Variants in CDH1 observed in about 807,000 individuals in gnomAD.
The protein encoded by CDH1 is cadherin-1.
CDH1 carries 35 observed loss-of-function variants against 84.5 expected under a neutral mutation model. The observed-to-expected ratio is 0.41, with a 90% CI of 0.32 to 0.55. CDH1 has a LOEUF of 0.55. Ranked by LOEUF, CDH1 falls within the 20% of genes least tolerant of loss-of-function variation. The pLI, the probability that CDH1 is intolerant of heterozygous loss-of-function variation, is 0.19. For synonymous variants in CDH1, 417 were observed against 439.0 expected (o/e 0.95, Z 0.63); for missense variants, 994 against 1,126.6 (o/e 0.88, Z 1.68).
At chr16:68,807,958 G>A (rs1213907144) in intron 3 of CDH1, among the ~76,000 whole-genome samples, 1 of 152,174 alleles carries the variant, frequency 6.6e-6, no homozygotes, top group African/African-American at 2.4e-5. Context: ...TGTAGTCCCA[G>A]CTACTCAGGA....
chr16:68,773,955 C>A (rs1959654435), intron 2 of CDH1, among the ~76,000 whole-genome samples: 1 of 152,228 alleles, frequency 6.6e-6, no homozygotes, highest in African/African-American at 2.4e-5. Flanking sequence ...CACGTTCTGT[C>A]ACCTAGGCTA....
chr16:68,810,229 T>C lies in CDH1; in HGVS notation c.720T>C (p.Asn240=), dbSNP rs2152131034. 6.2e-7 allele frequency: 1 copy of C among 1,614,154 alleles called. No homozygotes were observed. The highest frequency in any genetic ancestry group is 1.3e-5 in the African/African-American group (1 of 75,038). ...CTCACGCTGTGTCATCCAACGGGAA[T>C]GCAGTTGAGGATCCAATGGAGATTT... ...LFSHAVSSNG[N]AVEDPMEILI... Residue 240 remains asparagine (N), a synonymous_variant, in exon 6 of 16, where the codon AAT becomes AAC. Coordinates refer to ENST00000261769, the MANE Select transcript of CDH1 (RefSeq NM_004360.5).
chr16:68,818,048 G>A (rs1961026092), intron 10 of CDH1, among the ~76,000 whole-genome samples: 1 of 151,916 alleles, frequency 6.6e-6, no homozygotes, highest in Non-Finnish European at 1.5e-5. Flanking sequence ...AGACTATCCT[G>A]GCTAACATGG....
chr16:68,819,615 C>T (rs555917474), intron 11 of CDH1, among the ~76,000 whole-genome samples, 190 bp downstream of exon 11: 2 of 152,156 alleles, frequency 1.3e-5, no homozygotes, highest in Admixed American at 1.3e-4. Flanking sequence ...GTGGTAAAGT[C>T]AGGGCTTTTA....
intron 2 of CDH1, among the ~76,000 whole-genome samples, chr16:68,751,659 C>T (rs1000027342): frequency 3.3e-5 from 5 of 151,852 alleles, no homozygotes; most frequent in East Asian, 1.9e-4. Context: ...TGGGCCACCA[C>T]GCCTGGCTAA....
At chr16:68,816,485 C>A (rs1279648492) in intron 10 of CDH1, among the ~76,000 whole-genome samples, 2 of 152,186 alleles carry the variant, frequency 1.3e-5, no homozygotes, top group African/African-American at 4.8e-5. Context: ...GCAGCTCATG[C>A]CTGTAATCCC....
intron 8 of CDH1, 66 bp from the exon 9 acceptor site, chr16:68,813,247 C>T (rs183223462): frequency 3.4e-6 from 5 of 1,483,426 alleles, no homozygotes; most frequent in African/African-American, 2.8e-5. Flanking sequence ...ATCCTTTAGC[C>T]CCCTGAGACT....
rs1961562704 is a variant in CDH1, at chr16:68,833,796, C to T, written c.*297C>T. The T allele has an allele frequency of 2.2e-6, 1 of 455,946 alleles. No individual in the cohort carries two copies. The highest frequency in any genetic ancestry group is 2.3e-5 in the South Asian group (1 of 43,930). The allele number at this position is 455,946 out of a possible 1,614,324, so 28.2% of individuals were successfully genotyped here. ...TATTCCAGAAGAACAACTTTAGCAT[C>T]AGAAGGTTCACCCAGCACCTTGCAG... On this transcript the variant is annotated 3_prime_UTR_variant, in exon 16 of 16. Transcript: ENST00000261769.
At chr16:68,792,900 G>A (rs970374960) in intron 2 of CDH1, among the ~76,000 whole-genome samples, 25 of 152,198 alleles carry the variant, frequency 1.6e-4, no homozygotes, top group African/African-American at 6.0e-4. Context: ...TCCAGGCAGC[G>A]TTCGTTGTTG....
rs3833051 is a variant in CDH1 at position 68,737,526 on chromosome 16, T to C, written c.48+63T>C. On this transcript the variant is annotated intron_variant, in intron 1 of 15. Coordinates refer to ENST00000261769, the MANE Select transcript of CDH1 (RefSeq NM_004360.5). ...GGCCGCAAGCTCCGCGCCCCAGCCC[T>C]GCGCCCCTTCCTCTCCCGTCGTCAC... The C allele has an allele frequency of 1.4e-3, 306 of 215,312 alleles. No individual in the cohort carries two copies. The highest frequency in any genetic ancestry group is 1.9e-3 in the Non-Finnish European group (272 of 144,582). The allele number at this position is 215,312 out of a possible 1,614,324, so 13.3% of individuals were successfully genotyped here.
intron 2 of CDH1, among the ~76,000 whole-genome samples, chr16:68,738,957 TTTTTTTTA>T (rs1353815067): frequency 8.5e-5 from 9 of 105,750 alleles, no homozygotes; most frequent in Admixed American, 7.0e-4. Flanking sequence ...TTTTTTTTTT[TTTTTTTTA>T]AAGACAGGGT....
At chr16:68,818,620 G>T (rs1372773013) in intron 10 of CDH1, among the ~76,000 whole-genome samples, 5 of 149,752 alleles carry the variant, frequency 3.3e-5, no homozygotes, top group Admixed American at 6.7e-5. Flanking sequence ...AGGCCGAGAC[G>T]TGCGGATCAT....
chr16:68,801,123 A>AT (rs998573399), intron 2 of CDH1, among the ~76,000 whole-genome samples: 1 of 151,906 alleles, frequency 6.6e-6, no homozygotes, highest in African/African-American at 2.4e-5. Flanking sequence ...TTATTTATTT[A>AT]TTTTTTGAGA....
chr16:68,770,884 T>A (rs1375235751), intron 2 of CDH1: 1 of 151,190 alleles, frequency 6.6e-6, no homozygotes, highest in Non-Finnish European at 1.5e-5. Flanking sequence ...GGTCTCTAGT[T>A]TTTTAGACCT....
chr16:68,806,152 A>G (rs1013641513), intron 3 of CDH1, among the ~76,000 whole-genome samples: 1 of 130,966 alleles, frequency 7.6e-6, no homozygotes, highest in Admixed American at 7.5e-5. Context: ...TTATTTATTT[A>G]TTTATTTATT....
Position 68,827,616 on chromosome 16 carries a change from C to T in CDH1, c.2165-558C>T, listed in dbSNP as rs35817269. Among the ~76,000 whole-genome samples, 67 of 152,202 alleles carry T rather than the reference C, an allele frequency of 4.4e-4. 1 individual carries two copies. The East Asian group carries it at 0.012, about 26-fold the overall frequency. On this transcript the variant is annotated intron_variant, in intron 13 of 15. Coordinates refer to ENST00000261769, the MANE Select transcript of CDH1 (RefSeq NM_004360.5). ...CAATTTTATAGTCTCTGTCCCACTC[C>T]CCATAGCTGGTTATGTATCAATCAC...
At chr16:68,813,218 GA>G in intron 8 of CDH1, 94 bp from the exon 9 acceptor site, 1 of 1,290,722 alleles carries the variant, frequency 7.7e-7, no homozygotes, top group South Asian at 1.2e-5. Flanking sequence ...TATCTCAAAA[GA>G]ACAACAAAAA....
chr16:68,827,230 C>A (rs113078073), intron 13 of CDH1, among the ~76,000 whole-genome samples: 1,947 of 151,758 alleles, frequency 0.013, 40 homozygotes, highest in African/African-American at 0.045. Flanking sequence ...GAGATTGCGC[C>A]ACTACACTCC....
rs33935154 is a variant in CDH1, at chr16:68,822,138, G to A, written c.1849G>A (p.Ala617Thr). ...GCCTCAGGTCATAAACATCATTGAT[G>A]CAGACCTTCCTCCCAATACATCTCC... ...PKPQVINIID[A>T]DLPPNTSPFT... The change falls in exon 12 of 16, where the codon GCA becomes ACA. Residue 617 changes from alanine to threonine, a missense_variant. Ala to Thr is a moderately conservative substitution (Grantham distance 58, BLOSUM62 0). Around this residue, in one of 3 missense-constraint regions of CDH1, gnomAD observed 769 missense variants for 881.8 expected, o/e 0.87. Coordinates refer to ENST00000261769, the MANE Select transcript of CDH1 (RefSeq NM_004360.5). The A allele has an allele frequency of 2.5e-3, 4,071 of 1,614,086 alleles. 85 individuals are homozygous for A. The African/African-American group carries it at 0.046, about 18-fold the overall frequency.
Sources: gnomAD v4.1 joint callset for allele counts (sites outside exome capture counted in the v4.1 genomes callset) on GRCh38, gnomAD v4.1.1 for gene constraint, gnomAD v4.1.1 regional missense constraint, MANE v1.5 for transcripts, NCBI Gene and HGNC (gene_info 2026-07-23, HGNC 2026-07-21) for gene names.